Variants in AFG2A observed in about 807,000 individuals in gnomAD.
AFG2A encodes ATPase family gene 2 protein homolog A.
At chr4:123,172,529 A>G in the AFG2A span, among the ~76,000 whole-genome samples, 1 of 152,162 alleles carries the variant, frequency 6.6e-6, no homozygotes, top group Non-Finnish European at 1.5e-5. Context: ...CTATCTTCCT[A>G]TAATCTATAG....
chr4:122,980,639 C>T, the AFG2A span, among the ~76,000 whole-genome samples: 8 of 152,154 alleles, frequency 5.3e-5, no homozygotes, highest in Non-Finnish European at 1.2e-4. Context: ...TTCTTTTTCT[C>T]CATATCCTTG....
the AFG2A span, among the ~76,000 whole-genome samples, chr4:123,165,950 C>G: frequency 6.6e-6 from 1 of 152,138 alleles, no homozygotes; most frequent in African/African-American, 2.4e-5. Context: ...GCTCACTATT[C>G]CATTCACATA....
the AFG2A span, chr4:123,260,216 G>T: frequency 6.6e-6 from 1 of 152,142 alleles, no homozygotes; most frequent in Non-Finnish European, 1.5e-5. Flanking sequence ...TATGAATGTA[G>T]CTCTAGAAGA....
chr4:123,237,742 C>T, the AFG2A span, among the ~76,000 whole-genome samples: 1,711 of 149,918 alleles, frequency 0.011, 45 homozygotes, highest in African/African-American at 0.04. Flanking sequence ...CTCTGGTCTG[C>T]AGCTCCCAGC....
At chr4:122,985,239 C>T in the AFG2A span, among the ~76,000 whole-genome samples, 1 of 151,940 alleles carries the variant, frequency 6.6e-6, no homozygotes, top group African/African-American at 2.4e-5. Flanking sequence ...GATTCTCCTC[C>T]CTCAGCCTCC....
chr4:122,998,839 G>A, the AFG2A span, among the ~76,000 whole-genome samples: 3 of 152,206 alleles, frequency 2.0e-5, no homozygotes, highest in Non-Finnish European at 4.4e-5. Context: ...TAATGGGATG[G>A]TTGGGTCAAA....
At chr4:122,943,157 G>C in the AFG2A span, among the ~76,000 whole-genome samples, 1 of 152,204 alleles carries the variant, frequency 6.6e-6, no homozygotes, top group Non-Finnish European at 1.5e-5. Flanking sequence ...AGGTCCACTT[G>C]TTGCAGAGCT....
At chr4:122,952,286 T>C in the AFG2A span, among the ~76,000 whole-genome samples, 1 of 152,180 alleles carries the variant, frequency 6.6e-6, no homozygotes, top group African/African-American at 2.4e-5. Flanking sequence ...TGGCTACATC[T>C]AGTTCACAGG....
At chr4:122,955,759 A>G in the AFG2A span, among the ~76,000 whole-genome samples, 5 of 152,324 alleles carry the variant, frequency 3.3e-5, no homozygotes, top group African/African-American at 7.2e-5. Flanking sequence ...TAGGAATCAC[A>G]GTTGGGAGAG....
the AFG2A span, among the ~76,000 whole-genome samples, chr4:123,279,234 G>A: frequency 6.6e-6 from 1 of 152,060 alleles, no homozygotes; most frequent in Admixed American, 6.5e-5. Flanking sequence ...TGGCCAACAT[G>A]GTGAAACCCC....
chr4:123,226,273 C>T, the AFG2A span, among the ~76,000 whole-genome samples: 1 of 152,180 alleles, frequency 6.6e-6, no homozygotes, highest in African/African-American at 2.4e-5. Context: ...TGACAGAGGG[C>T]ATCCCTGTCT....
At chr4:123,086,906 T>A in the AFG2A span, among the ~76,000 whole-genome samples, 1 of 152,186 alleles carries the variant, frequency 6.6e-6, no homozygotes, top group Non-Finnish European at 1.5e-5. Context: ...GCATTTCTTT[T>A]TGATTCTTGC....
chr4:123,295,742 G>A, the AFG2A span, among the ~76,000 whole-genome samples: 1 of 152,162 alleles, frequency 6.6e-6, no homozygotes, highest in South Asian at 2.1e-4. Context: ...GCAAAACCCT[G>A]TCTCTACCAA....
At chr4:123,272,570 C>A in the AFG2A span, among the ~76,000 whole-genome samples, 9 of 151,696 alleles carry the variant, frequency 5.9e-5, no homozygotes, top group African/African-American at 1.7e-4. Context: ...GAATTAGAGA[C>A]AAGTTACAAC....
the AFG2A span, among the ~76,000 whole-genome samples, chr4:122,992,291 C>T: frequency 3.9e-5 from 6 of 152,138 alleles, no homozygotes; most frequent in African/African-American, 1.2e-4. Context: ...TTCCATTTGG[C>T]ACTTTATTAT....
the AFG2A span, among the ~76,000 whole-genome samples, chr4:123,080,074 C>A: frequency 5.3e-5 from 8 of 152,098 alleles, no homozygotes; most frequent in Non-Finnish European, 1.2e-4. Flanking sequence ...GATACACTAT[C>A]CCCTTTATTC....
chr4:123,063,222 T>C, the AFG2A span, among the ~76,000 whole-genome samples: 68 of 152,340 alleles, frequency 4.5e-4, no homozygotes, highest in South Asian at 1.5e-3. Flanking sequence ...GAACTACTGA[T>C]AGATATACCA....
chr4:123,041,985 G>A, the AFG2A span, among the ~76,000 whole-genome samples: 987 of 152,264 alleles, frequency 6.5e-3, 13 homozygotes, highest in African/African-American at 0.022. Flanking sequence ...AGTGTCCTTG[G>A]TGGAAGCTGG....
At chr4:123,248,360 C>T in the AFG2A span, among the ~76,000 whole-genome samples, 1 of 152,144 alleles carries the variant, frequency 6.6e-6, no homozygotes, top group Non-Finnish European at 1.5e-5. Flanking sequence ...AGTGTAATTA[C>T]ACTTTTAAAA....
Sources: gnomAD v4.1 joint callset for allele counts (sites outside exome capture counted in the v4.1 genomes callset) on GRCh38, gnomAD v4.1.1 for gene constraint, MANE v1.5 for transcripts, NCBI Gene and HGNC (gene_info 2026-07-23, HGNC 2026-07-21) for gene names.